ALG8: variants seen among roughly 807,000 people sequenced by gnomAD.
ALG8 encodes ALG8 alpha-1,3-glucosyltransferase.
ALG8 carries 48 observed loss-of-function variants against 70.2 expected under a neutral mutation model. The ratio of observed to expected loss-of-function variants is 0.68; its 90% CI spans 0.54 to 0.87. The LOEUF is 0.87. Ranked by LOEUF, ALG8 falls within the 40% of genes least tolerant of loss-of-function variation. The pLI is 0.00. For synonymous variants in ALG8, 234 were observed against 229.0 expected (o/e 1.02, Z -0.20); for missense variants, 572 against 608.7 (o/e 0.94, Z 0.64).
chr11:78,139,358 G>C (rs1861695813), intron 1 of ALG8, 136 bp downstream of exon 1: 2 of 890,970 alleles, frequency 2.2e-6, no homozygotes, highest in Admixed American at 4.3e-5. Flanking sequence ...GAAACAGAAA[G>C]CTTAGCAAAG....
At chr11:78,102,967 AAAT>A in intron 12 of ALG8, 1 of 160,922 alleles carries the variant, frequency 6.2e-6, no homozygotes, top group Non-Finnish European at 1.4e-5. Flanking sequence ...AAAAAAAAAA[AAAT>A]TATAGTTAAC....
chr11:78,109,993 CT>C (rs895466370), intron 8 of ALG8, among the ~76,000 whole-genome samples: 10 of 151,832 alleles, frequency 6.6e-5, no homozygotes, highest in Admixed American at 2.6e-4. Context: ...CCCTTCCCCC[CT>C]GTTCAATCTC....
At chr11:78,126,924 CA>C (rs1861104776) in intron 2 of ALG8, among the ~76,000 whole-genome samples, 1 of 152,046 alleles carries the variant, frequency 6.6e-6, no homozygotes, top group South Asian at 2.1e-4. Context: ...TGCAAGAGGA[CA>C]GAACTGAGAA....
chr11:78,138,848 G>A (rs1026646174), intron 1 of ALG8: 3 of 455,150 alleles, frequency 6.6e-6, no homozygotes, highest in South Asian at 3.1e-5. Context: ...CCCATGCTGT[G>A]CCACTCCTCT....
At chr11:78,102,412 A>T (rs1399275655) in intron 12 of ALG8, among the ~76,000 whole-genome samples, 1 of 152,230 alleles carries the variant, frequency 6.6e-6, no homozygotes, top group Non-Finnish European at 1.5e-5. Context: ...TTGGCTGAAT[A>T]ATCCACTATA....
chr11:78,120,001 C>A (rs1023010671), intron 4 of ALG8, among the ~76,000 whole-genome samples: 4 of 151,882 alleles, frequency 2.6e-5, no homozygotes, highest in African/African-American at 9.7e-5. Context: ...ACTCGGGAGG[C>A]TGAAGCATGA....
intron 1 of ALG8, chr11:78,133,445 T>G (rs1277806772): frequency 6.6e-6 from 1 of 152,218 alleles, no homozygotes; most frequent in Non-Finnish European, 1.5e-5. Context: ...TTCATAAATT[T>G]GCATGCTATC....
chr11:78,138,729 C>T (rs1238303437), intron 1 of ALG8: 3 of 456,362 alleles, frequency 6.6e-6, no homozygotes, highest in Non-Finnish European at 1.3e-5. Context: ...ACCACCATTT[C>T]ATGGTTGCTT....
At chr11:78,119,531 C>T (rs1282498437) in intron 4 of ALG8, among the ~76,000 whole-genome samples, 8 of 150,694 alleles carry the variant, frequency 5.3e-5, no homozygotes, top group Non-Finnish European at 8.8e-5. Flanking sequence ...TGGGTCCAAG[C>T]GATTCTCCTG....
intron 1 of ALG8, among the ~76,000 whole-genome samples, chr11:78,133,169 T>C (rs1259692898): frequency 6.6e-6 from 1 of 152,198 alleles, no homozygotes; most frequent in African/African-American, 2.4e-5. Context: ...ATTGTAGTTA[T>C]GTAACTATAT....
chr11:78,118,741 C>T (rs753990134), intron 5 of ALG8, among the ~76,000 whole-genome samples: 6 of 151,736 alleles, frequency 4.0e-5, no homozygotes, highest in Admixed American at 1.3e-4. Flanking sequence ...GTCAGGAGTT[C>T]GAGCCAACAT....
At chr11:78,136,481 G>T (rs538080535) in intron 1 of ALG8, among the ~76,000 whole-genome samples, 1 of 152,214 alleles carries the variant, frequency 6.6e-6, no homozygotes, top group African/African-American at 2.4e-5. Context: ...AGGCTGCAGT[G>T]AGCCATGATG....
intron 2 of ALG8, 99 bp downstream of exon 2, chr11:78,127,259 G>C: frequency 8.9e-7 from 1 of 1,124,800 alleles, no homozygotes. Context: ...TTACAAGCGT[G>C]AGCCACCGCA....
At chr11:78,137,994 T>C (rs1861618975) in intron 1 of ALG8, among the ~76,000 whole-genome samples, 1 of 152,170 alleles carries the variant, frequency 6.6e-6, no homozygotes, top group Non-Finnish European at 1.5e-5. Flanking sequence ...TTCCTGTACA[T>C]GTGCTGCCAA....
At chr11:78,116,252 T>G (rs1224943845) in intron 5 of ALG8, among the ~76,000 whole-genome samples, 1 of 151,884 alleles carries the variant, frequency 6.6e-6, no homozygotes, top group African/African-American at 2.4e-5. Flanking sequence ...TCCCAGCTAC[T>G]TGGGAGGCTG....
intron 2 of ALG8, among the ~76,000 whole-genome samples, chr11:78,126,321 C>G (rs1156934640): frequency 6.6e-6 from 1 of 150,410 alleles, no homozygotes; most frequent in South Asian, 2.1e-4. Flanking sequence ...ACCTGAGGTC[C>G]GGAGTTCGAG....
chr11:78,121,258 TAGTC>T (rs772100224), intron 3 of ALG8, 84 bp from the exon 4 acceptor site: 1 of 980,200 alleles, frequency 1.0e-6, no homozygotes, highest in Non-Finnish European at 1.6e-6. Context: ...TATGATACAT[TAGTC>T]ATTCCTGACA....
chr11:78,109,243 A>C (rs2136890867), intron 9 of ALG8, among the ~76,000 whole-genome samples, 199 bp downstream of exon 9: 1 of 152,346 alleles, frequency 6.6e-6, no homozygotes, highest in African/African-American at 2.4e-5. Context: ...AATCTCTCAC[A>C]AAGGCTTTAC....
At chr11:78,133,946 A>C (rs567201758) in intron 1 of ALG8, among the ~76,000 whole-genome samples, 8 of 152,256 alleles carry the variant, frequency 5.3e-5, no homozygotes, top group Non-Finnish European at 1.0e-4. Flanking sequence ...AAAACGTGCA[A>C]TACTACTATG....
Sources: allele counts gnomAD v4.1 joint callset (sites outside exome capture counted in the v4.1 genomes callset), GRCh38; gene constraint gnomAD v4.1.1; transcripts MANE v1.5; gene names NCBI Gene and HGNC (gene_info 2026-07-23, HGNC 2026-07-21).